The following NECAB1 variants were observed in gnomAD, a reference collection of about 807,000 sequenced individuals.
The protein encoded by NECAB1 is N-terminal EF-hand calcium-binding protein 1.
NECAB1 carries 29 observed loss-of-function variants against 57.5 expected under a neutral mutation model. The observed-to-expected ratio is 0.50, with a 90% confidence interval of 0.38 to 0.69. NECAB1 has a LOEUF of 0.69. Ranked by LOEUF, NECAB1 falls within the 30% of genes least tolerant of loss-of-function variation. The probability of loss-of-function intolerance (pLI) is 0.00; values close to 1 mark genes in which losing one functional copy is unlikely to be tolerated. For missense variants in NECAB1, 372 were observed against 413.8 expected (o/e 0.90, Z 0.88); for synonymous variants, 142 against 147.7 (o/e 0.96, Z 0.28).
At chr8:90,947,510 C>T (rs1810839964) in intron 10 of NECAB1, among the ~76,000 whole-genome samples, 1 of 151,500 alleles carries the variant, frequency 6.6e-6, no homozygotes, top group Non-Finnish European at 1.5e-5. Flanking sequence ...AAGCGATTCT[C>T]CTGCCTCAGC....
At chr8:90,835,573 G>C (rs1812358437) in intron 3 of NECAB1, among the ~76,000 whole-genome samples, 1 of 152,030 alleles carries the variant, frequency 6.6e-6, no homozygotes, top group African/African-American at 2.4e-5. Flanking sequence ...TTATTATTAA[G>C]ATGTATTCAC....
intron 4 of NECAB1, 90 bp downstream of exon 4, chr8:90,872,243 G>A: frequency 2.8e-6 from 3 of 1,058,090 alleles, no homozygotes; most frequent in Middle Eastern, 2.1e-4. Context: ...TGGAATTAAT[G>A]TTGTATATTA....
chr8:90,952,156 AG>A (rs556343600), intron 12 of NECAB1, among the ~76,000 whole-genome samples: 10 of 151,934 alleles, frequency 6.6e-5, no homozygotes, highest in Admixed American at 6.6e-4. Flanking sequence ...GACAGGAGGG[AG>A]AAAGGTGGAT....
intron 2 of NECAB1, chr8:90,812,620 G>A (rs1811980950): frequency 1.3e-5 from 2 of 152,000 alleles, no homozygotes. Context: ...AGTCAGTAAC[G>A]AGCCAAGCAT....
intron 1 of NECAB1, among the ~76,000 whole-genome samples, chr8:90,796,568 C>G (rs1361234435): frequency 2.0e-5 from 3 of 152,138 alleles, no homozygotes; most frequent in African/African-American, 7.2e-5. Flanking sequence ...TTGAGGCCAT[C>G]AAAGAATATT....
chr8:90,858,489 C>T (rs1812836043), intron 3 of NECAB1, among the ~76,000 whole-genome samples: 1 of 152,048 alleles, frequency 6.6e-6, no homozygotes, highest in South Asian at 2.1e-4. Flanking sequence ...TTCAGCTAAA[C>T]ACTTCCTCAT....
intron 2 of NECAB1, among the ~76,000 whole-genome samples, chr8:90,809,334 G>T (rs1028051056): frequency 6.6e-6 from 1 of 152,152 alleles, no homozygotes; most frequent in Non-Finnish European, 1.5e-5. Context: ...TGGCTCCACT[G>T]TCAAAACATC....
chr8:90,916,496 A>G (rs1045533758), intron 5 of NECAB1, among the ~76,000 whole-genome samples: 3 of 152,124 alleles, frequency 2.0e-5, no homozygotes, highest in African/African-American at 7.2e-5. Context: ...TTGTGTTATC[A>G]CCCTCAGTCG....
chr8:90,897,641 C>T (rs544003125), intron 5 of NECAB1, among the ~76,000 whole-genome samples: 2 of 152,160 alleles, frequency 1.3e-5, no homozygotes, highest in South Asian at 4.1e-4. Flanking sequence ...CAAAGTAAAA[C>T]AAAAAACTAT....
intron 2 of NECAB1, among the ~76,000 whole-genome samples, chr8:90,818,700 T>C (rs183661258): frequency 6.6e-6 from 1 of 152,066 alleles, no homozygotes; most frequent in East Asian, 1.9e-4. Flanking sequence ...ATCTGATATA[T>C]TGAGGTATGA....
At chr8:90,923,416 G>C (rs1298141276) in intron 6 of NECAB1, among the ~76,000 whole-genome samples, 1 of 152,200 alleles carries the variant, frequency 6.6e-6, no homozygotes, top group South Asian at 2.1e-4. Flanking sequence ...GCTTCTTTGA[G>C]GGATCTGATT....
In NECAB1 at chr8:90,955,572, G is replaced by A. The variant is rs73694346; in HGVS notation, c.*60G>A. On this transcript the variant is annotated 3_prime_UTR_variant, in exon 13 of 13. Transcript: ENST00000417640. ...CAAAACAGGTGTTCTTATCTAAAAC[G>A]TCAATTAGAAAATTATCTGCGGTTG... 0.023 allele frequency: 30,662 copies of A among 1,310,524 alleles called. 1,729 individuals carry two copies. Among genetic ancestry groups the A allele is most frequent in the African/African-American group, 0.19 (12,525 of 66,204 alleles). The allele number at this position is 1,310,524 out of a possible 1,614,324, so 81.2% of individuals were successfully genotyped here.
chr8:90,873,314 T>TA (rs1808653816), intron 4 of NECAB1, among the ~76,000 whole-genome samples: 1 of 152,216 alleles, frequency 6.6e-6, no homozygotes, highest in South Asian at 2.1e-4. Flanking sequence ...AGTTATGAAA[T>TA]ACCAACAGGG....
Position 90,894,220 on chromosome 8 carries a change from T to G in NECAB1, c.357+13090T>G, listed in dbSNP as rs1446194361. On this transcript the variant is annotated intron_variant, in intron 5 of 12. Transcript: ENST00000417640. ...TCACATAAATATTTTTAATAATGGTTATGCTAAACAGAGACCAATTCTTCC... is the reference window on the plus strand; with the variant it reads ...TCACATAAATATTTTTAATAATGGTGATGCTAAACAGAGACCAATTCTTCC... 2.6e-5 allele frequency among the ~76,000 whole-genome samples: 4 copies of G among 152,228 alleles called. No individual in the cohort carries two copies. The East Asian group carries it at 7.7e-4, about 29-fold the overall frequency.
chr8:90,933,877 A>ATAG (rs1374735035), intron 8 of NECAB1, among the ~76,000 whole-genome samples: 2 of 152,320 alleles, frequency 1.3e-5, no homozygotes, highest in East Asian at 3.9e-4. Flanking sequence ...TATTGTAACA[A>ATAG]TAGACTAATG....
chr8:90,797,745 A>G (rs891232665), intron 1 of NECAB1, among the ~76,000 whole-genome samples: 2 of 152,198 alleles, frequency 1.3e-5, no homozygotes, highest in African/African-American at 4.8e-5. Context: ...AGCAGGAAAA[A>G]TAATGCAAAC....
chr8:90,888,549 T>C (rs184288359), intron 5 of NECAB1, among the ~76,000 whole-genome samples: 10 of 152,308 alleles, frequency 6.6e-5, no homozygotes, highest in African/African-American at 2.2e-4. Context: ...TCAGATCTGA[T>C]AGGCATCAGT....
At chr8:90,943,641 G>C (rs1810728193) in intron 10 of NECAB1, among the ~76,000 whole-genome samples, 1 of 152,324 alleles carries the variant, frequency 6.6e-6, no homozygotes, top group South Asian at 2.1e-4. Flanking sequence ...GTGAATGTCA[G>C]AGGTTCTGTT....
At chr8:90,798,542 A>G (rs1388302943) in intron 1 of NECAB1, among the ~76,000 whole-genome samples, 1 of 152,216 alleles carries the variant, frequency 6.6e-6, no homozygotes, top group Admixed American at 6.5e-5. Flanking sequence ...AAGTGAGAAT[A>G]TGCAGTGTTT....
Sources: allele counts gnomAD v4.1 joint callset (sites outside exome capture counted in the v4.1 genomes callset), GRCh38; gene constraint gnomAD v4.1.1; transcripts MANE v1.5; gene names NCBI Gene and HGNC (gene_info 2026-07-23, HGNC 2026-07-21).